MYO18B: variants seen among roughly 807,000 people sequenced by gnomAD.
The protein encoded by MYO18B is unconventional myosin-XVIIIb.
A neutral mutation model predicts 273.0 loss-of-function variants in MYO18B; 204 were observed. That is an observed-to-expected ratio of 0.75 (90% CI 0.67 to 0.84). The LOEUF (loss-of-function observed/expected upper bound fraction) is 0.84, where lower values mean the gene tolerates loss of function less well. MYO18B is among the 40% of genes least tolerant of loss of function. The pLI is 0.00. For missense variants in MYO18B, 3,212 were observed against 3,287.6 expected, an observed-to-expected ratio of 0.98 and a Z score of 0.56; for synonymous variants, 1,330 against 1,305.7, an observed-to-expected ratio of 1.02 and a Z score of -0.40.
At chr22:25,778,660 T>C (rs1415290688) in intron 8 of MYO18B, among the ~76,000 whole-genome samples, 1 of 151,948 alleles carries the variant, frequency 6.6e-6, no homozygotes, top group Non-Finnish European at 1.5e-5. Context: ...ATTTTTATTT[T>C]TTGTATTTTT....
At chr22:26,062,312 C>G in the MYO18B span, among the ~76,000 whole-genome samples, 1 of 152,154 alleles carries the variant, frequency 6.6e-6, no homozygotes, top group African/African-American at 2.4e-5. Context: ...TTGGGACAAC[C>G]AGAGTCCTTA....
chr22:26,058,504 A>G, the MYO18B span, among the ~76,000 whole-genome samples: 3 of 152,220 alleles, frequency 2.0e-5, no homozygotes, highest in African/African-American at 7.2e-5. Flanking sequence ...AGGGACTGCA[A>G]TAGTTTGAAT....
intron 34 of MYO18B, among the ~76,000 whole-genome samples, chr22:25,921,839 TG>T (rs2092351390): frequency 1.3e-5 from 2 of 151,142 alleles, no homozygotes; most frequent in Non-Finnish European, 2.9e-5. Flanking sequence ...TGTGTGTGTG[TG>T]TGTGTGTGTG....
chr22:25,966,331 A>G (rs1284324485), intron 39 of MYO18B, among the ~76,000 whole-genome samples: 1 of 152,058 alleles, frequency 6.6e-6, no homozygotes, highest in Admixed American at 6.6e-5. Flanking sequence ...CCTTCCATCT[A>G]CTTACTCCAT....
rs2086701270 is a variant in MYO18B, at chr22:25,771,051, C to G, written c.1692+67C>G. The stretch of plus-strand genomic sequence containing the variant: ...TCCCACTTCACCCCAGCTCCATACC[C>G]TCCTTCCCCAGTCCTGCAAGAGATT... On this transcript the variant is annotated intron_variant, in intron 6 of 43. Transcript: ENST00000335473. 2.7e-6 allele frequency: 3 copies of G among 1,103,974 alleles called. No individual in the cohort carries two copies. The Admixed American group carries it at 6.2e-5, about 23-fold the overall frequency. 68.4% of individuals were successfully genotyped at this position (1,103,974 alleles called of 1,614,324 possible). A position where few individuals can be genotyped will look rare whatever the true frequency, so the allele number is the denominator to read the frequency against.
intron 11 of MYO18B, among the ~76,000 whole-genome samples, chr22:25,788,490 G>C (rs572156626): frequency 6.6e-6 from 1 of 152,222 alleles, no homozygotes; most frequent in African/African-American, 2.4e-5. Flanking sequence ...GCCTATCAGG[G>C]CAGGCTGCCT....
At chr22:25,989,672 C>G (rs1479072328) in intron 39 of MYO18B, among the ~76,000 whole-genome samples, 7 of 142,586 alleles carry the variant, frequency 4.9e-5, no homozygotes, top group Non-Finnish European at 1.1e-4. Flanking sequence ...GTGGCAGGTG[C>G]CTGTAGTGCC....
intron 27 of MYO18B, 91 bp downstream of exon 27, chr22:25,891,503 C>A: frequency 1.2e-6 from 1 of 806,332 alleles, no homozygotes; most frequent in Non-Finnish European, 2.0e-6. Context: ...TTTTTAGGTG[C>A]TAGATATTGC....
chr22:26,010,534 C>T (rs888603217), intron 42 of MYO18B, among the ~76,000 whole-genome samples: 2 of 152,168 alleles, frequency 1.3e-5, no homozygotes, highest in Non-Finnish European at 2.9e-5. Flanking sequence ...GCCCCTCCAC[C>T]GTTAAATAGA....
At chr22:25,875,505 T>TCCC (rs11401468) in intron 23 of MYO18B, among the ~76,000 whole-genome samples, 11 of 150,724 alleles carry the variant, frequency 7.3e-5, no homozygotes, top group African/African-American at 2.4e-4. Flanking sequence ...GCTGTTCTGG[T>TCCC]CCCCCCCCCA....
intron 10 of MYO18B, among the ~76,000 whole-genome samples, chr22:25,782,041 T>C (rs527607063): frequency 1.2e-4 from 18 of 152,308 alleles, no homozygotes; most frequent in African/African-American, 4.3e-4. Context: ...TGAGCCGCGG[T>C]TTCTTCCTTT....
At chr22:26,037,860 G>A in the MYO18B span, among the ~76,000 whole-genome samples, 1 of 152,192 alleles carries the variant, frequency 6.6e-6, no homozygotes, top group Non-Finnish European at 1.5e-5. Context: ...AGGGCTATGT[G>A]GGCATCATGG....
intron 42 of MYO18B, among the ~76,000 whole-genome samples, chr22:26,011,312 C>T (rs1934904503): frequency 1.3e-5 from 2 of 152,030 alleles, no homozygotes; most frequent in African/African-American, 4.8e-5. Context: ...CTGAACCAGT[C>T]AGAATGGACA....
chr22:26,057,689 T>A, the MYO18B span, among the ~76,000 whole-genome samples: 4 of 152,254 alleles, frequency 2.6e-5, no homozygotes, highest in African/African-American at 9.6e-5. Flanking sequence ...AGGCTTTAGG[T>A]TAAGTATTGT....
At chr22:25,873,350 C>G (rs921550798) in intron 22 of MYO18B, among the ~76,000 whole-genome samples, 5 of 152,230 alleles carry the variant, frequency 3.3e-5, no homozygotes, top group Non-Finnish European at 7.3e-5. Context: ...GTGGGTGGCA[C>G]CAGCCCAGCC....
chr22:25,904,404 G>A (rs1438091343), intron 31 of MYO18B, among the ~76,000 whole-genome samples: 1 of 152,170 alleles, frequency 6.6e-6, no homozygotes, highest in African/African-American at 2.4e-5. Context: ...TATGTAGGGA[G>A]ATCTTAGTAT....
downstream of MYO18B, among the ~76,000 whole-genome samples, chr22:26,032,282 A>G (rs1326752554): frequency 3.9e-5 from 6 of 152,124 alleles, no homozygotes; most frequent in Admixed American, 6.5e-5. Context: ...ACAGAAATTT[A>G]TTTCCTCATG....
At chr22:25,884,290 T>C (rs1242455767) in intron 25 of MYO18B, among the ~76,000 whole-genome samples, 1 of 152,194 alleles carries the variant, frequency 6.6e-6, no homozygotes, top group Non-Finnish European at 1.5e-5. Flanking sequence ...TGGGGTCACA[T>C]GGTCACTGGT....
intron 18 of MYO18B, 91 bp from the exon 19 acceptor site, chr22:25,846,009 C>A: frequency 8.4e-7 from 1 of 1,185,452 alleles, no homozygotes; most frequent in Non-Finnish European, 1.1e-6. Context: ...GAGCAGGAAG[C>A]AAGAAGGCTT....
Sources: allele counts gnomAD v4.1 joint callset (sites outside exome capture counted in the v4.1 genomes callset), GRCh38; gene constraint gnomAD v4.1.1; transcripts MANE v1.5; gene names NCBI Gene and HGNC (gene_info 2026-07-23, HGNC 2026-07-21).